The following PCDHGB2 variants were observed in gnomAD, a reference collection of about 807,000 sequenced individuals.
PCDHGB2 encodes the protein protocadherin gamma subfamily B, 2.
In PCDHGB2, 55 loss-of-function variants were observed where a neutral mutation model predicts 59.3. The observed-to-expected ratio is 0.93, with a 90% confidence interval of 0.75 to 1.16. The LOEUF (loss-of-function observed/expected upper bound fraction) is 1.16, where lower values mean the gene tolerates loss of function less well. Ranked by LOEUF, PCDHGB2 falls within the 50% of genes most tolerant of loss-of-function variation. PCDHGB2 has a pLI of 0.00. For missense variants in PCDHGB2, 1,228 were observed against 1,198.5 expected, an observed-to-expected ratio of 1.02 and a Z score of -0.36; for synonymous variants, 516 against 512.0, an observed-to-expected ratio of 1.01 and a Z score of -0.11.
chr5:141,494,751 G>A, intron 1 of PCDHGB2, 56 bp from the exon 2 acceptor site: 2 of 1,613,426 alleles, frequency 1.2e-6, no homozygotes, highest in Non-Finnish European at 8.5e-7. Flanking sequence ...AGGGGCTCGG[G>A]TGACATTCTA....
At chr5:141,409,184 T>C in intron 1 of PCDHGB2, 1 of 1,614,044 alleles carries the variant, frequency 6.2e-7, no homozygotes, top group Non-Finnish European at 8.5e-7. Context: ...AGGTGGTCTC[T>C]CTACCCAGTG....
At chr5:141,376,105 C>T in intron 1 of PCDHGB2, 4 of 1,613,734 alleles carry the variant, frequency 2.5e-6, no homozygotes, top group Non-Finnish European at 2.5e-6. Flanking sequence ...TCCTGGCCGA[C>T]CTGGGCAGCC....
intron 2 of PCDHGB2, among the ~76,000 whole-genome samples, chr5:141,501,166 C>T (rs1443045812): frequency 6.6e-6 from 1 of 152,154 alleles, no homozygotes; most frequent in African/African-American, 2.4e-5. Flanking sequence ...CATCCCCAGC[C>T]TCATTTACAT....
chr5:141,415,304 C>A, intron 1 of PCDHGB2: 1 of 1,614,188 alleles, frequency 6.2e-7, no homozygotes, highest in Non-Finnish European at 8.5e-7. Context: ...GTCTTCCTGG[C>A]CTTCGTCATC....
At chr5:141,371,572 A>T in intron 1 of PCDHGB2, 1 of 1,613,960 alleles carries the variant, frequency 6.2e-7, no homozygotes, top group Non-Finnish European at 8.5e-7. Context: ...TTCCCCTTTA[A>T]AATCGTTCAA....
At position 141,464,471 on chromosome 5, in the gene PCDHGB2, G is replaced by A. The variant is rs142068327; in HGVS notation, c.2422-30336G>A. On this transcript the variant is annotated intron_variant, in intron 1 of 3. Coordinates refer to ENST00000522605, the MANE Select transcript of PCDHGB2 (RefSeq NM_018923.3). ...TTGTTGTTATTTTTGAAGTATGTAC[G>A]TATAATAAATTCCTAATAGTGTGAT... Among the ~76,000 whole-genome samples, 204 of 151,612 alleles carry A rather than the reference G, an allele frequency of 1.3e-3. 1 individual carries two copies. The highest frequency in any genetic ancestry group is 2.3e-3 in the Non-Finnish European group (156 of 67,928).
At chr5:141,460,951 G>GTATATATA (rs200454978) in intron 1 of PCDHGB2, among the ~76,000 whole-genome samples, 42 of 139,772 alleles carry the variant, frequency 3.0e-4, no homozygotes, top group African/African-American at 1.1e-3. Context: ...TATGTATTAT[G>GTATATATA]TATATATATA....
At chr5:141,426,487 G>A (rs999549044) in intron 1 of PCDHGB2, 2 of 333,788 alleles carry the variant, frequency 6.0e-6, no homozygotes, top group African/African-American at 4.3e-5. Context: ...AAACCTTAGA[G>A]TTAGTGCAGA....
At chr5:141,423,750 T>TGG (rs144521096) in intron 1 of PCDHGB2, 9,462 of 287,056 alleles carry the variant, frequency 0.033, 140 homozygotes, top group African/African-American at 0.097. Flanking sequence ...GAAAACTGTT[T>TGG]GGGGGGGGGG....
chr5:141,371,319 T>C (rs776468783), intron 1 of PCDHGB2: 27 of 1,613,954 alleles, frequency 1.7e-5, no homozygotes, highest in Non-Finnish European at 2.3e-5. Context: ...AGAACTGGAC[T>C]TTGAAGAGAG....
intron 1 of PCDHGB2, among the ~76,000 whole-genome samples, chr5:141,363,049 C>G (rs1004145167): frequency 2.6e-5 from 4 of 152,206 alleles, no homozygotes; most frequent in Admixed American, 1.3e-4. Flanking sequence ...AAGACCAACA[C>G]TCAGTAAGCT....
intron 1 of PCDHGB2, chr5:141,423,343 C>T: frequency 6.2e-7 from 1 of 1,614,208 alleles, no homozygotes; most frequent in South Asian, 1.1e-5. Flanking sequence ...CTGCATCTTC[C>T]TGGTCTTTGT....
At chr5:141,407,964 C>G in intron 1 of PCDHGB2, 1 of 683,628 alleles carries the variant, frequency 1.5e-6, no homozygotes, top group Non-Finnish European at 2.3e-6. Context: ...GCAGAGCAAG[C>G]GCTGACGCCG....
In PCDHGB2 at chr5:141,371,669, C is replaced by T. The variant is rs766031996; in HGVS notation, c.2421+9113C>T. On this transcript the variant is annotated intron_variant, in intron 1 of 3. Coordinates refer to ENST00000522605, the MANE Select transcript of PCDHGB2 (RefSeq NM_018923.3). ...AATACAATGTGACGATCACAGCTAC[C>T]GACAAAGGCAATCCACCGCTCTCCT... 3 of 1,613,874 alleles carry T rather than the reference C, an allele frequency of 1.9e-6. No individual in the cohort carries two copies. The Admixed American group carries it at 5.0e-5, about 27-fold the overall frequency.
chr5:141,410,485 A>G, intron 1 of PCDHGB2: 3 of 1,614,016 alleles, frequency 1.9e-6, no homozygotes, highest in Non-Finnish European at 1.7e-6. Flanking sequence ...ATACGGGTAC[A>G]AAAGAGTTTA....
rs115990854 is a variant in PCDHGB2 at position 141,433,033 on chromosome 5, C to T, written c.2422-61774C>T. On this transcript the variant is annotated intron_variant, in intron 1 of 3. Coordinates refer to ENST00000522605, the MANE Select transcript of PCDHGB2 (RefSeq NM_018923.3). ...TGCAGACCTATTCCCACGAGGTTTC[C>T]CTCACCACGGACTCGCGGAAGAGTC... The T allele has an allele frequency of 6.4e-3, 10,342 of 1,614,162 alleles. 43 individuals are homozygous for T. The highest frequency in any genetic ancestry group is 8.6e-3 in the Middle Eastern group (52 of 6,062).
intron 1 of PCDHGB2, chr5:141,423,860 G>A: frequency 7.8e-7 from 1 of 1,283,074 alleles, no homozygotes; most frequent in Non-Finnish European, 9.9e-7. Context: ...ACGTTTTTGT[G>A]AAAGTCATTT....
chr5:141,441,810 C>A, intron 1 of PCDHGB2: 1 of 372,576 alleles, frequency 2.7e-6, no homozygotes. Context: ...GGTGCTGTAC[C>A]CCAGCTCTGG....
rs1156927948 is a variant in PCDHGB2, at chr5:141,490,342, G to A, written c.2422-4465G>A. 16 of 1,614,126 alleles carry A rather than the reference G, an allele frequency of 9.9e-6. 1 individual carries two copies. In the Admixed American group the frequency reaches 1.3e-4, roughly 13 times the overall value. ...CCTAGAGAGCACACCAGTGGGCACA[G>A]TAGTGGGGTTGTTTAATGTGCGAGA... On this transcript the variant is annotated intron_variant, in intron 1 of 3. Coordinates refer to ENST00000522605, the MANE Select transcript of PCDHGB2 (RefSeq NM_018923.3). This position sits in a 1 kb window ranked among gnomAD's most constrained non-coding sequence, Gnocchi z 5.4.
Sources: gnomAD v4.1 joint callset for allele counts (sites outside exome capture counted in the v4.1 genomes callset) on GRCh38, gnomAD v4.1.1 for gene constraint, Gnocchi (gnomAD v3.1) non-coding constraint, MANE v1.5 for transcripts, NCBI Gene and HGNC (gene_info 2026-07-23, HGNC 2026-07-21) for gene names.